Variants in ATP12A observed in about 807,000 individuals in gnomAD.
The protein encoded by ATP12A is ATPase H+/K+ transporting non-gastric alpha2 subunit, also known as potassium-transporting ATPase alpha chain 2.
ATP12A carries 81 observed loss-of-function variants against 111.2 expected under a neutral mutation model. The ratio of observed to expected loss-of-function variants is 0.73; its 90% CI spans 0.61 to 0.88. The LOEUF (loss-of-function observed/expected upper bound fraction) is 0.88, where lower values mean the gene tolerates loss of function less well. ATP12A is among the 40% of genes least tolerant of loss of function. The pLI is 0.00. For synonymous variants in ATP12A, 498 were observed against 499.8 expected, an observed-to-expected ratio of 1.00 and a Z score of 0.05; for missense variants, 1,196 against 1,313.1, an observed-to-expected ratio of 0.91 and a Z score of 1.38.
At position 24,709,789 on chromosome 13, in the gene ATP12A, C is replaced by G. The variant is rs1390853161; in HGVS notation, c.2724C>G (p.Asp908Glu). The G allele has an allele frequency of 1.1e-5, 18 of 1,614,100 alleles. No homozygotes were observed. The highest frequency in any genetic ancestry group is 1.5e-5 in the Non-Finnish European group (18 of 1,180,050). ...LINLRVEWEK[D>E]YVNDLKDSYG... ...ACCTGCGGGTAGAATGGGAGAAGGACTACGTGAATGACTTGAAAGACAGCT... is the reference window on the plus strand; with the variant it reads ...ACCTGCGGGTAGAATGGGAGAAGGAGTACGTGAATGACTTGAAAGACAGCT... The change falls in exon 19 of 23, where the codon GAC becomes GAG. Residue 908 changes from aspartate to glutamate, a missense_variant. By Grantham distance (45) the Asp-to-Glu change is conservative. This residue lies in a region of ATP12A where 1,126 missense variants were observed against 1,228.5 expected (regional missense o/e 0.92). Coordinates refer to ENST00000381946, the MANE Select transcript of ATP12A (RefSeq NM_001676.7).
At chr13:24,680,811 C>T in intron 1 of ATP12A, 59 bp downstream of exon 1, 2 of 1,444,728 alleles carry the variant, frequency 1.4e-6, no homozygotes, top group Non-Finnish European at 1.8e-6. Flanking sequence ...GCCCCGGGGA[C>T]CGGAGCAGGC....
intron 11 of ATP12A, among the ~76,000 whole-genome samples, chr13:24,694,974 G>A (rs1441543503): frequency 1.3e-5 from 2 of 152,076 alleles, no homozygotes; most frequent in South Asian, 2.1e-4. Flanking sequence ...CAGGGAGGCC[G>A]AACACCTGCT....
At chr13:24,687,463 C>CA (rs11336249) in intron 3 of ATP12A, among the ~76,000 whole-genome samples, 7 of 148,860 alleles carry the variant, frequency 4.7e-5, no homozygotes, top group African/African-American at 1.2e-4. Context: ...GACTCTGTCT[C>CA]AAAAAAAAAA....
chr13:24,704,947 C>G (rs549137090), intron 14 of ATP12A, among the ~76,000 whole-genome samples: 5 of 152,166 alleles, frequency 3.3e-5, no homozygotes, highest in Non-Finnish European at 7.3e-5. Context: ...AAAATTGCAT[C>G]TTAGCAGGTG....
In ATP12A at chr13:24,706,394, C is replaced by T; in HGVS notation, c.2100C>T (p.Tyr700=). 6.2e-7 allele frequency: 1 copy of T among 1,614,216 alleles called. No homozygotes were observed. The highest frequency in any genetic ancestry group is 1.6e-4 in the Middle Eastern group (1 of 6,062). ...SEQLDEILAN[Y]QEIVFARTSP... ...AGCTGGATGAGATCTTAGCCAACTA[C>T]CAGGAGATTGTCTTTGCCCGGACAT... Residue 700 remains tyrosine, a synonymous_variant, in exon 15 of 23, where the codon TAC becomes TAT. Transcript: ENST00000381946.
At chr13:24,706,895 T>C in intron 15 of ATP12A, 128 bp from the exon 16 acceptor site, 2 of 1,019,974 alleles carry the variant, frequency 2.0e-6, no homozygotes, top group East Asian at 2.6e-5. Flanking sequence ...TTCCCCTAAA[T>C]GGGCCTTTCC....
In ATP12A at chr13:24,712,143, T is replaced by A. The variant is rs1405590909; in HGVS notation, c.*621T>A. 6.4e-6 allele frequency: 1 copy of A among 155,258 alleles called. No individual in the cohort carries two copies. Among genetic ancestry groups the A allele is most frequent in the Non-Finnish European group, 1.4e-5 (1 of 69,988 alleles). 9.6% of individuals were successfully genotyped at this position (155,258 alleles called of 1,614,324 possible). A position where few individuals can be genotyped will look rare whatever the true frequency, so the allele number is the denominator to read the frequency against. ...CCACGCCACCCCATCCCACCTCTGG[T>A]CATCTCCCCAGCCCTTTATGCCCCG... On this transcript the variant is annotated 3_prime_UTR_variant, in exon 23 of 23. Transcript: ENST00000381946.
intron 2 of ATP12A, among the ~76,000 whole-genome samples, chr13:24,683,278 T>C (rs1874549674): frequency 6.6e-6 from 1 of 152,178 alleles, no homozygotes; most frequent in Admixed American, 6.5e-5. Flanking sequence ...ACTTTAATAA[T>C]AAAACTGCCT....
In ATP12A at chr13:24,709,728, A is replaced by G. The variant is rs1875878358; in HGVS notation, c.2663A>G (p.Tyr888Cys). Residue 888 changes from tyrosine to cysteine, a missense_variant, in exon 19 of 23, where the codon TAT (tyrosine) becomes TGT (cysteine). Transcript: ENST00000381946. ...LGAFLVYFTV[Y>C]AQEGFLPRTL... is the part of the protein sequence containing the mutation. ...GCTTTCCTTGTGTATTTCACCGTCT[A>G]TGCACAAGAGGGCTTTCTGCCCCGC... 8 of 1,614,216 alleles carry G rather than the reference A, an allele frequency of 5.0e-6. No individual in the cohort carries two copies. The highest frequency in any genetic ancestry group is 5.9e-6 in the Non-Finnish European group (7 of 1,180,036).
chr13:24,688,885 G>T (rs539668202), intron 4 of ATP12A, among the ~76,000 whole-genome samples: 5 of 152,114 alleles, frequency 3.3e-5, no homozygotes, highest in Non-Finnish European at 5.9e-5. Context: ...AGAGACAGAA[G>T]CCAGAGGCAA....
chr13:24,680,780 G>T, intron 1 of ATP12A, 28 bp downstream of exon 1: 1 of 1,481,968 alleles, frequency 6.7e-7, no homozygotes, highest in South Asian at 1.3e-5. Context: ...GCCGGCCGAG[G>T]ATGCGAGACG....
In ATP12A at chr13:24,689,211, G is replaced by A. The variant is rs781098400; in HGVS notation, c.433-51G>A. 9.4e-6 allele frequency: 14 copies of A among 1,487,002 alleles called. No individual in the cohort carries two copies. In the Admixed American group the frequency reaches 1.2e-4, roughly 12 times the overall value. The allele number at this position is 1,487,002 out of a possible 1,614,324, so 92.1% of individuals were successfully genotyped here. A position where few individuals can be genotyped will look rare whatever the true frequency, so the allele number is the denominator to read the frequency against. Reference sequence around the variant, plus strand: ...GTGGAGAGCTCTAGCCCCAGGGCCCGGCTGCTTCCCACTGCTGGTTTCTCT... The same window carrying A: ...GTGGAGAGCTCTAGCCCCAGGGCCCAGCTGCTTCCCACTGCTGGTTTCTCT... On this transcript the variant is annotated intron_variant, in intron 4 of 22. Transcript: ENST00000381946.
intron 7 of ATP12A, 41 bp from the exon 8 acceptor site, chr13:24,690,941 G>A (rs1217604631): frequency 6.2e-7 from 1 of 1,609,708 alleles, no homozygotes; most frequent in Admixed American, 1.7e-5. Context: ...CACCCCTCCT[G>A]GCTGAGGACC....
At chr13:24,696,510 T>A (rs1441624479) in intron 11 of ATP12A, among the ~76,000 whole-genome samples, 1 of 76,342 alleles carries the variant, frequency 1.3e-5, no homozygotes, top group African/African-American at 4.6e-5. Flanking sequence ...ATCGAGACCA[T>A]CCTGGCTAAC....
At chr13:24,695,600 CTTT>C (rs34227271) in intron 11 of ATP12A, among the ~76,000 whole-genome samples, 11,670 of 87,930 alleles carry the variant, frequency 0.13, 598 homozygotes, top group East Asian at 0.43. Context: ...GGGAAGAACT[CTTT>C]TTTTTTTTTT....
intron 12 of ATP12A, among the ~76,000 whole-genome samples, chr13:24,700,485 G>A (rs560439501): frequency 2.0e-4 from 30 of 152,272 alleles, no homozygotes; most frequent in Non-Finnish European, 7.3e-5. Flanking sequence ...AGTCGAGACT[G>A]TGTATTGCCC....
At position 24,681,617 on chromosome 13, in the gene ATP12A, C is replaced by T. The variant is rs1362201487; in HGVS notation, c.65C>T (p.Thr22Ile). Reference sequence around the variant, plus strand: ...AGCGGAACTAAGGACATCGTGAAAACAGACAAGGGGGATGGCAAGGAGAAG... The same window carrying T: ...AGCGGAACTAAGGACATCGTGAAAATAGACAAGGGGGATGGCAAGGAGAAG... Reference protein sequence around the residue: ...ELSGTKDIVKTDKGDGKEKYR... With the variant: ...ELSGTKDIVKIDKGDGKEKYR... The change falls in exon 2 of 23, where the codon ACA becomes ATA. Residue 22 changes from threonine (T) to isoleucine (I), a missense_variant. This residue lies in a region of ATP12A where 67 missense variants were observed against 64.0 expected (regional missense o/e 1.05). Transcript: ENST00000381946. 6.2e-7 allele frequency: 1 copy of T among 1,614,184 alleles called. No homozygotes were observed. Among genetic ancestry groups the T allele is most frequent in the Non-Finnish European group, 8.5e-7 (1 of 1,180,046 alleles).
At position 24,694,478 on chromosome 13, in the gene ATP12A, T is replaced by A; in HGVS notation, c.1412T>A (p.Leu471His). The A allele has an allele frequency of 6.2e-7, 1 of 1,614,136 alleles. No individual in the cohort carries two copies. Among genetic ancestry groups the A allele is most frequent in the Non-Finnish European group, 8.5e-7 (1 of 1,180,008 alleles). ...AVIGDASETA[L>H]LKFSEVILGD... ...ATTGGAGATGCCTCAGAAACTGCTC[T>A]TTTAAAATTCTCAGAGGTCATTTTG... The change falls in exon 11 of 23, where the codon CTT (leucine) becomes CAT (histidine). Residue 471 changes from leucine (L) to histidine (H), a missense_variant. This residue lies in a region of ATP12A where 1,126 missense variants were observed against 1,228.5 expected (regional missense o/e 0.92). Transcript: ENST00000381946.
chr13:24,707,667 A>G (rs1875732490), intron 17 of ATP12A, among the ~76,000 whole-genome samples: 2 of 152,176 alleles, frequency 1.3e-5, no homozygotes, highest in African/African-American at 4.8e-5. Context: ...TGGAAATTAA[A>G]AACACTCTAT....
Sources: gnomAD v4.1 joint callset for allele counts (sites outside exome capture counted in the v4.1 genomes callset) on GRCh38, gnomAD v4.1.1 for gene constraint, gnomAD v4.1.1 regional missense constraint, MANE v1.5 for transcripts, NCBI Gene and HGNC (gene_info 2026-07-23, HGNC 2026-07-21) for gene names.